Variants in KIF13A observed in about 807,000 individuals in gnomAD.
KIF13A encodes kinesin-like protein KIF13A.
A neutral mutation model predicts 212.2 loss-of-function variants in KIF13A; 79 were observed. The observed-to-expected ratio is 0.37, with a 90% confidence interval of 0.31 to 0.45. The LOEUF (loss-of-function observed/expected upper bound fraction) is 0.45. Ranked by LOEUF, KIF13A falls within the 20% of genes least tolerant of loss-of-function variation. KIF13A has a pLI of 1.00. For synonymous variants in KIF13A, 789 were observed against 808.6 expected (o/e 0.98, Z 0.41); for missense variants, 1,901 against 2,209.0 (o/e 0.86, Z 2.79).
intron 20 of KIF13A, among the ~76,000 whole-genome samples, chr6:17,800,818 C>A (rs1296864357): frequency 1.3e-5 from 2 of 151,972 alleles, no homozygotes; most frequent in African/African-American, 4.8e-5. Context: ...CCAGGCTGGT[C>A]TCGGACTCCT....
rs374212698 is a variant in KIF13A at position 17,951,359 on chromosome 6, C to T, written c.146+35695G>A. 19 of 643,668 alleles carry T rather than the reference C, an allele frequency of 3.0e-5. No homozygotes were observed. The highest frequency in any genetic ancestry group is 3.4e-5 in the Non-Finnish European group (12 of 354,928). 39.9% of individuals were successfully genotyped at this position (643,668 alleles called of 1,614,324 possible). A position where few individuals can be genotyped will look rare whatever the true frequency, so the allele number is the denominator to read the frequency against. ...TTGCAAAGGCTGGTCTTGAAATCCT[C>T]GGCTCAAGTGATCCTCTTGCCTTGG... is the stretch of plus-strand genomic sequence containing the variant. On this transcript the variant is annotated intron_variant, in intron 2 of 38. Transcript: ENST00000259711. The surrounding 1 kb of genome is among the most constrained non-coding windows in gnomAD (Gnocchi z 4.9).
Position 17,771,004 on chromosome 6 carries a change from GA to G in KIF13A, c.4581+109del. 1 of 712,290 alleles carries G rather than the reference GA, an allele frequency of 1.4e-6. No individual in the cohort carries two copies. Among genetic ancestry groups the G allele is most frequent in the African/African-American group, 1.8e-5 (1 of 55,756 alleles). The allele number at this position is 712,290 out of a possible 1,614,324, so 44.1% of individuals were successfully genotyped here. On this transcript the variant is annotated intron_variant, in intron 38 of 38. Transcript: ENST00000259711. This position sits in a 1 kb window ranked among gnomAD's most constrained non-coding sequence, Gnocchi z 5.4. ...ATGGTCACATTTTTATTTTCTTTAA[GA>G]CAAAGACCCAATACATGTCTTAATT...
chr6:17,910,883 C>T (rs1252812316), intron 2 of KIF13A, among the ~76,000 whole-genome samples: 1 of 152,164 alleles, frequency 6.6e-6, no homozygotes, highest in Non-Finnish European at 1.5e-5. Context: ...CTGCCTCAGC[C>T]TCCTGAGTAG....
At chr6:17,784,857 A>C (rs1436679059) in intron 28 of KIF13A, among the ~76,000 whole-genome samples, 1 of 152,232 alleles carries the variant, frequency 6.6e-6, no homozygotes, top group Non-Finnish European at 1.5e-5. Context: ...CTAGTTTCAG[A>C]AAACAGACCA....
chr6:17,765,530 T>C (rs1247061125), intron 38 of KIF13A, among the ~76,000 whole-genome samples: 1 of 152,198 alleles, frequency 6.6e-6, no homozygotes. Context: ...CTACATATCG[T>C]AAGGCTATAA....
intron 2 of KIF13A, among the ~76,000 whole-genome samples, chr6:17,931,746 C>T (rs988441023): frequency 2.0e-5 from 3 of 152,002 alleles, no homozygotes; most frequent in African/African-American, 7.2e-5. Flanking sequence ...AAGACAGTAA[C>T]AACTGTGTGT....
chr6:17,939,866 C>T (rs1054408211), intron 2 of KIF13A, among the ~76,000 whole-genome samples: 19 of 151,816 alleles, frequency 1.3e-4, no homozygotes, highest in African/African-American at 4.4e-4. Context: ...CGGTGAAACC[C>T]CGTCTCTACT....
In KIF13A at chr6:17,776,004, G is replaced by A. The variant is rs905045534; in HGVS notation, c.4171-942C>T. On this transcript the variant is annotated intron_variant, in intron 34 of 38. Coordinates refer to ENST00000259711, the MANE Select transcript of KIF13A (RefSeq NM_022113.6). This position sits in a 1 kb window ranked among gnomAD's most constrained non-coding sequence, Gnocchi z 4.6. Reference sequence around the variant, plus strand: ...AGCGATTCTCCTGCCTCAGCCACCCGAGTAGCTGGGATTACAGGCACCTGC... The same window carrying A: ...AGCGATTCTCCTGCCTCAGCCACCCAAGTAGCTGGGATTACAGGCACCTGC... 3.3e-5 allele frequency among the ~76,000 whole-genome samples: 5 copies of A among 151,972 alleles called. No individual in the cohort carries two copies. The highest frequency in any genetic ancestry group is 7.4e-5 in the Non-Finnish European group (5 of 68,000).
rs370868446 is a variant in KIF13A, at chr6:17,764,871, C to T, written c.4657G>A (p.Glu1553Lys). 6.2e-7 allele frequency: 1 copy of T among 1,613,804 alleles called. No homozygotes were observed. The highest frequency in any genetic ancestry group is 8.5e-7 in the Non-Finnish European group (1 of 1,179,836). ...LISSQPYVPV[E>K]FADFSVYNAS... ...TTGTAAACACTGAAGTCAGCAAACT[C>T]CACAGGTACATAAGGCTGTGAACTT... Residue 1553 changes from glutamate (E) to lysine (K), a missense_variant, in exon 39 of 39, where the codon GAG becomes AAG. This residue lies in a region of KIF13A where 687 missense variants were observed against 759.1 expected (regional missense o/e 0.90). Coordinates refer to ENST00000259711, the MANE Select transcript of KIF13A (RefSeq NM_022113.6). The surrounding 1 kb of genome is among the most constrained non-coding windows in gnomAD (Gnocchi z 5.1).
chr6:17,958,876 C>CTTTTTTTTTTTTT (rs398000716), intron 2 of KIF13A, among the ~76,000 whole-genome samples: 16 of 83,082 alleles, frequency 1.9e-4, no homozygotes, highest in Non-Finnish European at 2.7e-4. Context: ...TTTTCTTTTT[C>CTTTTTTTTTTTTT]TTTTTTTTTT....
At chr6:17,802,528 G>A (rs1209692356) in intron 20 of KIF13A, among the ~76,000 whole-genome samples, 1 of 151,982 alleles carries the variant, frequency 6.6e-6, no homozygotes, top group Non-Finnish European at 1.5e-5. Flanking sequence ...GACCTCAGGT[G>A]ATCTGCCTGC....
rs75024161 is a variant in KIF13A at position 17,795,260 on chromosome 6, T to C, written c.2943-556A>G. The stretch of plus-strand genomic sequence containing the variant: ...TGAAGGATATTTGGGTTATTTGCAA[T>C]TTGGGGATACCATGAATAACACTGC... On this transcript the variant is annotated intron_variant, in intron 23 of 38. Coordinates refer to ENST00000259711, the MANE Select transcript of KIF13A (RefSeq NM_022113.6). Among the ~76,000 whole-genome samples the C allele has an allele frequency of 6.7e-4, 102 of 152,220 alleles. No individual in the cohort carries two copies. In the East Asian group the frequency reaches 0.018, roughly 26 times the overall value.
intron 3 of KIF13A, among the ~76,000 whole-genome samples, chr6:17,891,487 AAG>A (rs1772049826): frequency 6.6e-6 from 1 of 152,218 alleles, no homozygotes. Context: ...AATAATTTTT[AAG>A]AGTTAGGAAC....
chr6:17,842,031 GTGTA>G (rs1382154919), intron 9 of KIF13A, among the ~76,000 whole-genome samples: 1 of 133,516 alleles, frequency 7.5e-6, no homozygotes, highest in Non-Finnish European at 1.6e-5. Context: ...GTGTGTGTGT[GTGTA>G]TACACTTATA....
chr6:17,901,839 T>A (rs907944739), intron 2 of KIF13A, among the ~76,000 whole-genome samples: 1 of 152,156 alleles, frequency 6.6e-6, no homozygotes, highest in Non-Finnish European at 1.5e-5. Flanking sequence ...ACACATATTT[T>A]AAAAATTATG....
At chr6:17,906,263 T>C (rs1047011169) in intron 2 of KIF13A, among the ~76,000 whole-genome samples, 49 of 152,136 alleles carry the variant, frequency 3.2e-4, no homozygotes, top group African/African-American at 1.1e-3. Flanking sequence ...ATCTACTAAG[T>C]TTAAGTATAT....
intron 38 of KIF13A, among the ~76,000 whole-genome samples, chr6:17,767,966 A>C (rs1759159023): frequency 6.6e-6 from 1 of 152,234 alleles, no homozygotes; most frequent in Admixed American, 6.5e-5. Flanking sequence ...AGCAGTTCAC[A>C]GTGGGGAAAA....
chr6:17,929,480 A>C (rs983481102), intron 2 of KIF13A, among the ~76,000 whole-genome samples: 1 of 150,958 alleles, frequency 6.6e-6, no homozygotes, highest in Non-Finnish European at 1.5e-5. Context: ...GGCTCACTGC[A>C]AGCTCTGCCT....
At chr6:17,917,520 C>T (rs7769723) in intron 2 of KIF13A, among the ~76,000 whole-genome samples, 110,144 of 151,888 alleles carry the variant, frequency 0.73, 40,433 homozygotes, top group South Asian at 0.83. Context: ...GGATCACAGG[C>T]GTGAGCCACT....
Sources: gnomAD v4.1 joint callset for allele counts (sites outside exome capture counted in the v4.1 genomes callset) on GRCh38, gnomAD v4.1.1 for gene constraint, gnomAD v4.1.1 regional missense constraint, Gnocchi (gnomAD v3.1) non-coding constraint, MANE v1.5 for transcripts, NCBI Gene and HGNC (gene_info 2026-07-23, HGNC 2026-07-21) for gene names.